Variants in SORCS2 observed in about 807,000 individuals in gnomAD.
SORCS2 encodes VPS10 domain-containing receptor SorCS2.
SORCS2 carries 100 observed loss-of-function variants against 141.6 expected under a neutral mutation model. That is an observed-to-expected ratio of 0.71 (90% CI 0.60 to 0.83). The LOEUF is 0.83. SORCS2 is among the 40% of genes least tolerant of loss of function. The pLI is 0.00. For missense variants in SORCS2, 1,646 were observed against 1,560.2 expected, an observed-to-expected ratio of 1.05 and a Z score of -0.93; for synonymous variants, 789 against 676.9, an observed-to-expected ratio of 1.17 and a Z score of -2.57.
chr4:7,409,889 A>G (rs1296832687), intron 2 of SORCS2, among the ~76,000 whole-genome samples: 1 of 152,158 alleles, frequency 6.6e-6, no homozygotes, highest in Admixed American at 6.5e-5. Context: ...CTTCTATGCT[A>G]CCATTTTGGA....
intron 2 of SORCS2, among the ~76,000 whole-genome samples, chr4:7,451,069 AGAGTGAGT>A (rs985640709): frequency 6.6e-6 from 1 of 151,906 alleles, no homozygotes; most frequent in Non-Finnish European, 1.5e-5. Flanking sequence ...AATGGATGGG[AGAGTGAGT>A]GAATGCATGA....
intron 1 of SORCS2, among the ~76,000 whole-genome samples, chr4:7,358,473 G>A (rs988780410): frequency 6.6e-6 from 1 of 152,252 alleles, no homozygotes; most frequent in Non-Finnish European, 1.5e-5. Flanking sequence ...AGATTGGGAT[G>A]CCAGAGTACT....
chr4:7,386,095 A>G (rs932463526), intron 1 of SORCS2, among the ~76,000 whole-genome samples: 1 of 152,152 alleles, frequency 6.6e-6, no homozygotes. Flanking sequence ...ATATGCACAC[A>G]TGCACACACA....
intron 3 of SORCS2, among the ~76,000 whole-genome samples, chr4:7,622,945 G>A (rs1304360823): frequency 2.0e-5 from 3 of 151,986 alleles, no homozygotes; most frequent in African/African-American, 2.4e-5. Context: ...TCTGGGGTCC[G>A]CCCTGTCCAG....
Position 7,418,849 on chromosome 4 carries a change from T to C in SORCS2, c.548+22494T>C, listed in dbSNP as rs73796562. 2.1e-3 allele frequency among the ~76,000 whole-genome samples: 324 copies of C among 152,316 alleles called. 1 individual carries two copies. The highest frequency in any genetic ancestry group is 7.2e-3 in the African/African-American group (301 of 41,586). On this transcript the variant is annotated intron_variant, in intron 2 of 26. Transcript: ENST00000507866. ...TCTTACATCTGTAGTAAGCAGCCAA[T>C]TATCTTGGTGGCTCTCTTTCTGAGG...
intron 2 of SORCS2, among the ~76,000 whole-genome samples, chr4:7,513,342 A>C (rs1209250923): frequency 6.6e-6 from 1 of 152,124 alleles, no homozygotes; most frequent in African/African-American, 2.4e-5. Context: ...CTGCCCCCCA[A>C]CCCTGCAGAG....
Position 7,683,016 on chromosome 4 carries a change from C to T in SORCS2, c.1488+127C>T, listed in dbSNP as rs1030695430. ...TCTGAGACACATGAACCACCTATTT[C>T]TGCTGGGTGTGGTAGAGAGGGTCAA... On this transcript the variant is annotated intron_variant, in intron 10 of 26. Coordinates refer to ENST00000507866, the MANE Select transcript of SORCS2 (RefSeq NM_020777.3). 2.6e-5 allele frequency: 32 copies of T among 1,219,728 alleles called. No individual in the cohort carries two copies. In the African/African-American group the frequency reaches 4.8e-4, roughly 18 times the overall value. 75.6% of individuals were successfully genotyped at this position (1,219,728 alleles called of 1,614,324 possible). A position where few individuals can be genotyped will look rare whatever the true frequency, so the allele number is the denominator to read the frequency against.
At chr4:7,385,561 A>G (rs1165604531) in intron 1 of SORCS2, among the ~76,000 whole-genome samples, 1 of 152,152 alleles carries the variant, frequency 6.6e-6, no homozygotes, top group Non-Finnish European at 1.5e-5. Context: ...GGGCTTGAAG[A>G]GTGCCACTCT....
intron 1 of SORCS2, among the ~76,000 whole-genome samples, chr4:7,333,384 CGT>C (rs1415470326): frequency 1.3e-5 from 2 of 152,114 alleles, no homozygotes; most frequent in Non-Finnish European, 2.9e-5. Context: ...AACGTGTTCC[CGT>C]GTGTGATGTT....
intron 2 of SORCS2, among the ~76,000 whole-genome samples, chr4:7,451,398 G>T (rs754940179): frequency 1.6e-4 from 24 of 152,258 alleles, no homozygotes; most frequent in African/African-American, 5.8e-4. Context: ...CAAGGGATGA[G>T]AAATGGTTTC....
At chr4:7,531,668 G>A (rs751401634) in intron 3 of SORCS2, 39 bp downstream of exon 3, 20 of 1,573,596 alleles carry the variant, frequency 1.3e-5, no homozygotes, top group Middle Eastern at 1.7e-4. Flanking sequence ...TCTGGCTCTC[G>A]CCTTGTGCCG....
intron 4 of SORCS2, among the ~76,000 whole-genome samples, chr4:7,651,515 C>T (rs1721448969): frequency 6.6e-6 from 1 of 152,192 alleles, no homozygotes; most frequent in Non-Finnish European, 1.5e-5. Flanking sequence ...AGGCTTTTCC[C>T]AGTTGCTGTG....
chr4:7,616,605 G>C lies in SORCS2; in HGVS notation c.649-21723G>C, dbSNP rs374887942. On this transcript the variant is annotated intron_variant, in intron 3 of 26. Coordinates refer to ENST00000507866, the MANE Select transcript of SORCS2 (RefSeq NM_020777.3). The stretch of plus-strand genomic sequence containing the variant: ...TAAGGAGCCCCGATCTCTGTGGGTT[G>C]GTTGGGTCACACCAAGCCCAAAAGT... Among the ~76,000 whole-genome samples, 58 of 152,290 alleles carry C rather than the reference G, an allele frequency of 3.8e-4. 1 individual carries two copies. The South Asian group carries it at 0.012, about 31-fold the overall frequency.
intron 1 of SORCS2, among the ~76,000 whole-genome samples, chr4:7,228,029 T>A (rs537763801): frequency 5.4e-4 from 83 of 152,326 alleles, no homozygotes; most frequent in African/African-American, 2.0e-3. Context: ...TTGGCCACAG[T>A]GTCCTTTGCC....
chr4:7,635,773 C>T (rs1269964672), intron 3 of SORCS2, among the ~76,000 whole-genome samples: 3 of 152,198 alleles, frequency 2.0e-5, no homozygotes, highest in Non-Finnish European at 2.9e-5. Flanking sequence ...ACACCTTCGT[C>T]CGCATTTCAG....
chr4:7,616,389 C>T (rs561063152), intron 3 of SORCS2, among the ~76,000 whole-genome samples: 1 of 152,148 alleles, frequency 6.6e-6, no homozygotes, highest in African/African-American at 2.4e-5. Flanking sequence ...ACCATCCACT[C>T]ATCCATAATC....
intron 3 of SORCS2, among the ~76,000 whole-genome samples, chr4:7,601,562 C>T (rs1045902536): frequency 1.5e-5 from 2 of 133,334 alleles, no homozygotes; most frequent in African/African-American, 5.9e-5. Flanking sequence ...CAGGTTGCAG[C>T]GAGCTGAGAT....
chr4:7,640,187 T>C (rs1388433718), intron 4 of SORCS2, among the ~76,000 whole-genome samples: 1 of 14,296 alleles, frequency 7.0e-5, no homozygotes, highest in Non-Finnish European at 2.1e-4. Context: ...TGTGAGAGCC[T>C]ATGTGAGTGT....
intron 8 of SORCS2, among the ~76,000 whole-genome samples, chr4:7,668,441 G>C (rs1255060436): frequency 2.0e-5 from 3 of 152,162 alleles, no homozygotes; most frequent in African/African-American, 7.2e-5. Flanking sequence ...GGAGGGCAGA[G>C]CAGGCGCTAA....
Sources: gnomAD v4.1 joint callset for allele counts (sites outside exome capture counted in the v4.1 genomes callset) on GRCh38, gnomAD v4.1.1 for gene constraint, MANE v1.5 for transcripts, NCBI Gene and HGNC (gene_info 2026-07-23, HGNC 2026-07-21) for gene names.